The following GYPE variants were observed in gnomAD, a reference collection of about 807,000 sequenced individuals.
GYPE encodes glycophorin E (MNS blood group), also known as glycophorin-E.
Under a neutral mutation model 11.6 loss-of-function variants are expected in GYPE, and 8 were observed. The ratio of observed to expected loss-of-function variants is 0.69; its 90% confidence interval spans 0.41 to 1.25. The LOEUF is 1.25. Ranked by LOEUF, GYPE falls within the 50% of genes most tolerant of loss-of-function variation. The probability of loss-of-function intolerance (pLI) is 0.01; values close to 1 mark genes in which losing one functional copy is unlikely to be tolerated. For synonymous variants in GYPE, 28 were observed against 29.6 expected, an observed-to-expected ratio of 0.94 and a Z score of 0.18; for missense variants, 90 against 92.8, an observed-to-expected ratio of 0.97 and a Z score of 0.12.
At chr4:143,875,117 C>A (rs7674831) in intron 3 of GYPE, among the ~76,000 whole-genome samples, 4 of 151,892 alleles carry the variant, frequency 2.6e-5, no homozygotes, top group African/African-American at 9.7e-5. Context: ...TCTTTTCCAA[C>A]ATATTTCACA....
chr4:143,872,322 A>G (rs1393228977), intron 3 of GYPE, 70 bp from the exon 4 acceptor site: 2 of 152,634 alleles, frequency 1.3e-5, no homozygotes, highest in Non-Finnish European at 2.9e-5. Context: ...TTTTAATAAC[A>G]AAAACAACCA....
intron 1 of GYPE, among the ~76,000 whole-genome samples, chr4:143,899,372 T>G (rs1319797722): frequency 6.6e-6 from 1 of 152,218 alleles, no homozygotes; most frequent in African/African-American, 2.4e-5. Flanking sequence ...TCTCTATATT[T>G]TTGTTCCATC....
chr4:143,881,327 A>C (rs1181338857), intron 1 of GYPE, among the ~76,000 whole-genome samples: 1 of 152,088 alleles, frequency 6.6e-6, no homozygotes, highest in Non-Finnish European at 1.5e-5. Context: ...ATACATTTCA[A>C]ATTTATAAGT....
At chr4:143,881,929 A>G (rs1458060627) in intron 1 of GYPE, among the ~76,000 whole-genome samples, 2 of 152,274 alleles carry the variant, frequency 1.3e-5, no homozygotes, top group East Asian at 3.9e-4. Flanking sequence ...AGAGCACACA[A>G]ACAACAGAAA....
chr4:143,902,179 A>C (rs1019330801), intron 1 of GYPE, among the ~76,000 whole-genome samples: 2 of 152,066 alleles, frequency 1.3e-5, no homozygotes, highest in Admixed American at 6.6e-5. Context: ...GTTGATACTG[A>C]CTGCCTACTA....
At chr4:143,880,376 G>A (rs368931689) in intron 2 of GYPE, 35 bp downstream of exon 2, 1,144 of 1,613,494 alleles carry the variant, frequency 7.1e-4, no homozygotes, top group Middle Eastern at 1.3e-3. Context: ...AAACGATTTC[G>A]GAGCCACAAT....
At chr4:143,875,882 G>A (rs369984735) in intron 3 of GYPE, among the ~76,000 whole-genome samples, 1 of 151,946 alleles carries the variant, frequency 6.6e-6, no homozygotes, top group Admixed American at 6.6e-5. Context: ...GCTGAAGCAC[G>A]AGAATCACTT....
intron 2 of GYPE, among the ~76,000 whole-genome samples, chr4:143,880,017 G>T (rs1431595164): frequency 6.6e-6 from 1 of 152,096 alleles, no homozygotes; most frequent in Admixed American, 6.6e-5. Flanking sequence ...AAAATTAATG[G>T]GATAGAAACC....
intron 1 of GYPE, among the ~76,000 whole-genome samples, chr4:143,884,083 A>G (rs1207181336): frequency 1.3e-5 from 2 of 151,278 alleles, no homozygotes; most frequent in Non-Finnish European, 2.9e-5. Context: ...TCACATCTTC[A>G]TTGCTTCGCC....
At chr4:143,880,080 C>A (rs1743966277) in intron 2 of GYPE, among the ~76,000 whole-genome samples, 1 of 152,242 alleles carries the variant, frequency 6.6e-6, no homozygotes, top group Non-Finnish European at 1.5e-5. Context: ...GAGCCCGGGT[C>A]TGAGCTGAAC....
intron 2 of GYPE, 74 bp from the exon 3 acceptor site, chr4:143,876,929 T>A (rs1171589673): frequency 1.2e-6 from 1 of 804,284 alleles, no homozygotes; most frequent in Admixed American, 1.9e-5. Context: ...AAAAATAAGA[T>A]AACATCAGCA....
intron 1 of GYPE, among the ~76,000 whole-genome samples, chr4:143,897,401 C>G (rs1036706274): frequency 6.6e-6 from 1 of 151,856 alleles, no homozygotes; most frequent in Non-Finnish European, 1.5e-5. Context: ...TCCAGCAGTT[C>G]AAGACTGAAG....
rs4535288 is a variant in GYPE at position 143,887,677 on chromosome 4, G to A, written c.38-7168C>T. On this transcript the variant is annotated intron_variant, in intron 1 of 3. Coordinates refer to ENST00000358615, the MANE Select transcript of GYPE (RefSeq NM_198682.3). ...ACATGCATTGATGTGGAGGCTTAGG[G>A]CACCTAGCAGGCAAGTGTTGGCAAA... Among the ~76,000 whole-genome samples, 1,314 of 143,650 alleles carry A rather than the reference G, an allele frequency of 9.1e-3. 19 individuals carry two copies. Among genetic ancestry groups the A allele is most frequent in the African/African-American group, 0.032 (1,248 of 39,614 alleles). The allele number at this position is 143,650 out of a possible 152,430, so 94.2% of individuals were successfully genotyped here. A position where few individuals can be genotyped will look rare whatever the true frequency, so the allele number is the denominator to read the frequency against.
At chr4:143,885,538 A>G (rs2323426) in intron 1 of GYPE, among the ~76,000 whole-genome samples, 5 of 151,606 alleles carry the variant, frequency 3.3e-5, no homozygotes, top group African/African-American at 1.2e-4. Flanking sequence ...GTACTCAAGT[A>G]TACAAAGCTG....
At chr4:143,873,887 C>G (rs4101242) in intron 3 of GYPE, among the ~76,000 whole-genome samples, 1 of 151,884 alleles carries the variant, frequency 6.6e-6, no homozygotes, top group Admixed American at 6.6e-5. Flanking sequence ...TGGATGCTTC[C>G]CACAGGACTG....
At chr4:143,890,294 C>T (rs1744353920) in intron 1 of GYPE, among the ~76,000 whole-genome samples, 1 of 152,154 alleles carries the variant, frequency 6.6e-6, no homozygotes. Context: ...CTCCTGCCTA[C>T]TAAAGAATCC....
intron 2 of GYPE, among the ~76,000 whole-genome samples, chr4:143,878,137 T>A (rs573646683): frequency 2.9e-3 from 437 of 152,136 alleles, no homozygotes; most frequent in African/African-American, 9.8e-3. Flanking sequence ...TTTATTTACT[T>A]ATGTATTTGT....
At chr4:143,875,917 T>C (rs1439849513) in intron 3 of GYPE, among the ~76,000 whole-genome samples, 2 of 151,094 alleles carry the variant, frequency 1.3e-5, no homozygotes, top group African/African-American at 4.9e-5. Flanking sequence ...GAGGCTGCAG[T>C]GAGCAGAGAT....
rs1158858428 is a variant in GYPE, at chr4:143,905,484, T to C, written c.24A>G (p.Val8=). 2.5e-6 allele frequency: 4 copies of C among 1,613,180 alleles called. No individual in the cohort carries two copies. The South Asian group carries it at 4.4e-5, about 18-fold the overall frequency. MYGKIIF[V]LLLSGIVSIS... ...AAAATCACTTACCTGACAATAGTAA[T>C]ACAAAGATTATTTTTCCATACATCC... The change falls in exon 1 of 4, where the codon GTA becomes GTG. Residue 8 remains valine (V), a synonymous_variant. Transcript: ENST00000358615.
Sources: gnomAD v4.1 joint callset for allele counts (sites outside exome capture counted in the v4.1 genomes callset) on GRCh38, gnomAD v4.1.1 for gene constraint, MANE v1.5 for transcripts, NCBI Gene and HGNC (gene_info 2026-07-23, HGNC 2026-07-21) for gene names.